SLC2A9: variants seen among roughly 807,000 people sequenced by gnomAD.
SLC2A9 encodes solute carrier family 2 member 9.
SLC2A9 carries 39 observed loss-of-function variants against 50.6 expected under a neutral mutation model. That is an observed-to-expected ratio of 0.77 (90% CI 0.60 to 1.01). The LOEUF (loss-of-function observed/expected upper bound fraction) is 1.01, where lower values mean the gene tolerates loss of function less well. SLC2A9 is among the 50% of genes least tolerant of loss of function. The pLI, the probability that SLC2A9 is intolerant of heterozygous loss-of-function variation, is 0.00. For synonymous variants in SLC2A9, 324 were observed against 276.9 expected (o/e 1.17, Z -1.69); for missense variants, 686 against 677.6 (o/e 1.01, Z -0.14).
At chr4:9,857,137 A>G (rs1161744512) in intron 10 of SLC2A9, among the ~76,000 whole-genome samples, 1 of 152,224 alleles carries the variant, frequency 6.6e-6, no homozygotes, top group Non-Finnish European at 1.5e-5. Flanking sequence ...CGTTCTCTGT[A>G]TGGGTGCTGG....
At chr4:9,778,115 T>C (rs1717824797), downstream of SLC2A9, among the ~76,000 whole-genome samples, 2 of 144,976 alleles carry the variant, frequency 1.4e-5, no homozygotes, top group African/African-American at 2.6e-5. Context: ...CTTCTTTCCT[T>C]CTCCCCGCCT....
At chr4:9,807,553 GC>G (rs1212671621) in intron 3 of SLC2A9, among the ~76,000 whole-genome samples, 1 of 152,030 alleles carries the variant, frequency 6.6e-6, no homozygotes, top group African/African-American at 2.4e-5. Flanking sequence ...CAGGCCTCTT[GC>G]CTTTTGCATT....
At chr4:9,920,694 G>T in intron 6 of SLC2A9, 122 bp from the exon 7 acceptor site, 1 of 1,143,766 alleles carries the variant, frequency 8.7e-7, no homozygotes, top group Non-Finnish European at 1.3e-6. Flanking sequence ...GGCGGAACTT[G>T]GCAGGGGCCT....
chr4:10,021,591 T>C (rs1763510028), upstream of SLC2A9: 2 of 1,028,118 alleles, frequency 1.9e-6, no homozygotes, highest in Non-Finnish European at 2.9e-6. Flanking sequence ...GCAACATTTT[T>C]TTCTCTGCTC....
chr4:9,816,821 T>TA (rs752824907), intron 3 of SLC2A9, among the ~76,000 whole-genome samples: 104 of 140,984 alleles, frequency 7.4e-4, no homozygotes, highest in South Asian at 1.6e-3. Flanking sequence ...AGTTAAAAAT[T>TA]AAAAAAAAAA....
intron 5 of SLC2A9, 69 bp from the exon 6 acceptor site, chr4:9,942,114 A>C: frequency 6.2e-7 from 1 of 1,602,168 alleles, no homozygotes; most frequent in Non-Finnish European, 8.5e-7. Context: ...GGGCCACTGG[A>C]CCAGGTGGTT....
intron 10 of SLC2A9, among the ~76,000 whole-genome samples, chr4:9,871,584 C>CCA (rs1733445915): frequency 6.6e-6 from 1 of 152,136 alleles, no homozygotes; most frequent in African/African-American, 2.4e-5. Context: ...TATACGGACA[C>CCA]CAGACATTGA....
At chr4:9,804,632 G>A (rs1721886745) in intron 3 of SLC2A9, among the ~76,000 whole-genome samples, 1 of 152,098 alleles carries the variant, frequency 6.6e-6, no homozygotes, top group Admixed American at 6.5e-5. Context: ...GCTATATCCT[G>A]TCTTTGGCCA....
At chr4:9,877,234 T>G (rs1490287256) in intron 10 of SLC2A9, among the ~76,000 whole-genome samples, 1 of 152,222 alleles carries the variant, frequency 6.6e-6, no homozygotes, top group African/African-American at 2.4e-5. Context: ...GTTCATTCAC[T>G]TGTTTATTCA....
At chr4:9,799,668 C>G (rs1445416636) in intron 3 of SLC2A9, among the ~76,000 whole-genome samples, 2 of 145,688 alleles carry the variant, frequency 1.4e-5, no homozygotes, top group Non-Finnish European at 3.0e-5. Flanking sequence ...GCAAGTGCAG[C>G]TTTCTGAGCT....
chr4:9,827,662 T>C (rs1301957170), intron 11 of SLC2A9, among the ~76,000 whole-genome samples: 2 of 152,152 alleles, frequency 1.3e-5, no homozygotes, highest in African/African-American at 2.4e-5. Flanking sequence ...AGGATAATCA[T>C]GGTACATGTA....
chr4:9,876,213 A>C (rs62293283), intron 10 of SLC2A9, among the ~76,000 whole-genome samples: 18,460 of 152,128 alleles, frequency 0.12, 1,313 homozygotes, highest in African/African-American at 0.17. Flanking sequence ...GAGGTGGTTG[A>C]AGCTTCCCAC....
intron 3 of SLC2A9, chr4:9,781,969 C>A: frequency 7.4e-7 from 1 of 1,354,346 alleles, no homozygotes; most frequent in Non-Finnish European, 9.6e-7. Flanking sequence ...ATGGGGCTGC[C>A]TGGGGGTCGC....
chr4:9,920,307 T>C lies in SLC2A9; in HGVS notation c.1002+78A>G, dbSNP rs6823877. The C allele has an allele frequency of 0.66, 1,003,496 of 1,524,162 alleles. 331,567 individuals carry two copies. The highest frequency in any genetic ancestry group is 0.77 in the East Asian group (32,904 of 42,650). The allele number at this position is 1,524,162 out of a possible 1,614,324, so 94.4% of individuals were successfully genotyped here. Reference sequence around the variant, plus strand: ...GAACTGAGATTTGAACCTGGGCGTCTGGGGCCCAAGCCCTGAACCTCCCCA... The same window carrying C: ...GAACTGAGATTTGAACCTGGGCGTCCGGGGCCCAAGCCCTGAACCTCCCCA... On this transcript the variant is annotated intron_variant, in intron 7 of 11. Transcript: ENST00000264784.
intron 3 of SLC2A9, among the ~76,000 whole-genome samples, chr4:9,816,083 T>TC (rs758797214): frequency 1.2e-4 from 18 of 152,000 alleles, no homozygotes; most frequent in Non-Finnish European, 1.3e-4. Flanking sequence ...GGCAGAAGGA[T>TC]CACTTGAGCC....
chr4:9,878,795 C>G (rs1734707642), intron 10 of SLC2A9, among the ~76,000 whole-genome samples: 1 of 152,002 alleles, frequency 6.6e-6, no homozygotes, highest in Non-Finnish European at 1.5e-5. Context: ...TGAGGGCAGT[C>G]TTGTGGGATT....
At chr4:9,877,657 G>T (rs1184080645) in intron 10 of SLC2A9, among the ~76,000 whole-genome samples, 1 of 152,166 alleles carries the variant, frequency 6.6e-6, no homozygotes, top group Non-Finnish European at 1.5e-5. Flanking sequence ...GGAGTTAAAG[G>T]ACTGAGCCCT....
At chr4:9,935,831 C>T (rs1560337560) in intron 6 of SLC2A9, among the ~76,000 whole-genome samples, 2 of 152,302 alleles carry the variant, frequency 1.3e-5, no homozygotes, top group South Asian at 2.1e-4. Flanking sequence ...GTTTCCATTC[C>T]ACTCTTTCCT....
chr4:9,865,275 C>A (rs574645638), intron 10 of SLC2A9, among the ~76,000 whole-genome samples: 2 of 152,228 alleles, frequency 1.3e-5, no homozygotes, highest in Admixed American at 6.5e-5. Flanking sequence ...TCAGACCATG[C>A]GCGGGAGAGC....
Sources: allele counts gnomAD v4.1 joint callset (sites outside exome capture counted in the v4.1 genomes callset), GRCh38; gene constraint gnomAD v4.1.1; transcripts MANE v1.5; gene names NCBI Gene and HGNC (gene_info 2026-07-23, HGNC 2026-07-21).